The following DCC variants were observed in gnomAD, a reference collection of about 807,000 sequenced individuals.
DCC encodes the protein netrin receptor DCC.
In DCC, 58 loss-of-function variants were observed where a neutral mutation model predicts 172.5. The ratio of observed to expected loss-of-function variants is 0.34; its 90% CI spans 0.27 to 0.42. The LOEUF (loss-of-function observed/expected upper bound fraction) is 0.42. Ranked by LOEUF, DCC falls within the 10% of genes least tolerant of loss-of-function variation. The pLI, the probability that DCC is intolerant of heterozygous loss-of-function variation, is 1.00. For synonymous variants in DCC, 709 were observed against 644.5 expected, an observed-to-expected ratio of 1.10 and a Z score of -1.52; for missense variants, 1,740 against 1,791.0, an observed-to-expected ratio of 0.97 and a Z score of 0.51.
chr18:53,287,753 A>T (rs2056952807), intron 12 of DCC, among the ~76,000 whole-genome samples: 1 of 152,102 alleles, frequency 6.6e-6, no homozygotes, highest in African/African-American at 2.4e-5. Flanking sequence ...TCTGCTTAAA[A>T]CTTTTCTAAC....
chr18:52,777,403 T>C (rs1599099563), intron 2 of DCC, among the ~76,000 whole-genome samples: 1 of 152,294 alleles, frequency 6.6e-6, no homozygotes, highest in East Asian at 1.9e-4. Flanking sequence ...TCAGTCTCCA[T>C]AATCACACTA....
intron 2 of DCC, among the ~76,000 whole-genome samples, chr18:52,902,578 T>C (rs1049092152): frequency 2.6e-5 from 4 of 152,200 alleles, no homozygotes; most frequent in Non-Finnish European, 4.4e-5. Context: ...TACGAAAATA[T>C]AGTATTTCAT....
At chr18:52,676,037 G>T (rs1332376427) in intron 1 of DCC, among the ~76,000 whole-genome samples, 1 of 152,152 alleles carries the variant, frequency 6.6e-6, no homozygotes, top group African/African-American at 2.4e-5. Context: ...ACTCTAGAAA[G>T]TCCTGTGATA....
At chr18:53,276,900 G>T (rs1008849840) in intron 12 of DCC, among the ~76,000 whole-genome samples, 2 of 152,032 alleles carry the variant, frequency 1.3e-5, no homozygotes, top group African/African-American at 4.8e-5. Flanking sequence ...GAGTCACAGG[G>T]TACCCATTGA....
intron 22 of DCC, among the ~76,000 whole-genome samples, chr18:53,437,939 C>G (rs562228370): frequency 4.6e-5 from 7 of 152,148 alleles, no homozygotes; most frequent in African/African-American, 1.7e-4. Flanking sequence ...GAAATATACA[C>G]CCCAGGAAGA....
rs531092322 is a variant in DCC, at chr18:52,720,545, G to A, written c.92-31509G>A. Reference sequence around the variant, plus strand: ...CACATGATACCTCTGAACCCACGGAGTACCCAGTATACACCACCAGGAAGC... The same window carrying A: ...CACATGATACCTCTGAACCCACGGAATACCCAGTATACACCACCAGGAAGC... On this transcript the variant is annotated intron_variant, in intron 1 of 28. Transcript: ENST00000442544. 8.5e-5 allele frequency among the ~76,000 whole-genome samples: 13 copies of A among 152,266 alleles called. No homozygotes were observed. In the South Asian group the frequency reaches 1.2e-3, roughly 15 times the overall value.
At chr18:53,361,082 A>G (rs1223520606) in intron 15 of DCC, among the ~76,000 whole-genome samples, 1 of 152,146 alleles carries the variant, frequency 6.6e-6, no homozygotes, top group Non-Finnish European at 1.5e-5. Flanking sequence ...TCCATATAAG[A>G]GGCACATGGT....
At chr18:52,877,816 A>AC (rs1444093361) in intron 2 of DCC, among the ~76,000 whole-genome samples, 2 of 151,752 alleles carry the variant, frequency 1.3e-5, no homozygotes, top group African/African-American at 4.8e-5. Context: ...GAGATTAAAA[A>AC]AAATTACAAG....
chr18:53,301,684 G>T (rs772005407), intron 12 of DCC, among the ~76,000 whole-genome samples: 1 of 151,630 alleles, frequency 6.6e-6, no homozygotes, highest in Non-Finnish European at 1.5e-5. Flanking sequence ...TAGTTTACCA[G>T]TTTTAATTCA....
Position 52,653,389 on chromosome 18 carries a change from G to T in DCC, c.92-98665G>T, listed in dbSNP as rs542772981. On this transcript the variant is annotated intron_variant, in intron 1 of 28. Transcript: ENST00000442544. ...GAGATTTATGTTTTAAAAAGTCTAA[G>T]AGGCTTCTTTCCATAGCATAAACTA... Among the ~76,000 whole-genome samples the T allele has an allele frequency of 1.7e-4, 26 of 152,262 alleles. No homozygotes were observed. In the South Asian group the frequency reaches 5.2e-3, roughly 30 times the overall value.
intron 2 of DCC, among the ~76,000 whole-genome samples, chr18:52,819,306 C>T (rs1568124322): frequency 6.6e-6 from 1 of 152,016 alleles, no homozygotes; most frequent in African/African-American, 2.4e-5. Context: ...TCCGAGCTTG[C>T]AGGGAAAAAA....
At chr18:52,783,656 A>G (rs1427030747) in intron 2 of DCC, among the ~76,000 whole-genome samples, 7 of 151,956 alleles carry the variant, frequency 4.6e-5, no homozygotes, top group African/African-American at 1.4e-4. Context: ...ATACAGGCTT[A>G]TACTTCACTG....
chr18:52,826,382 T>C (rs1211726693), intron 2 of DCC, among the ~76,000 whole-genome samples: 1 of 152,230 alleles, frequency 6.6e-6, no homozygotes, highest in Non-Finnish European at 1.5e-5. Context: ...AGCTTTACTC[T>C]GATGCTAGAT....
At chr18:52,383,647 T>C (rs557070704) in intron 1 of DCC, among the ~76,000 whole-genome samples, 4 of 152,200 alleles carry the variant, frequency 2.6e-5, no homozygotes, top group African/African-American at 9.6e-5. Flanking sequence ...TTTTTATGAT[T>C]TCATTCATGA....
In DCC at chr18:52,826,926, A is replaced by C. The variant is rs1374166816; in HGVS notation, c.412+74552A>C. Among the ~76,000 whole-genome samples the C allele has an allele frequency of 2.0e-5, 3 of 152,210 alleles. No individual in the cohort carries two copies. In the East Asian group the frequency reaches 5.8e-4, roughly 29 times the overall value. On this transcript the variant is annotated intron_variant, in intron 2 of 28. Coordinates refer to ENST00000442544, the MANE Select transcript of DCC (RefSeq NM_005215.4). ...ACTTTTTTCTTGCCAAGATTACCTA[A>C]ACATTACAGTATAGTAACTATTTAC...
chr18:52,737,355 C>A (rs1198079103), intron 1 of DCC, among the ~76,000 whole-genome samples: 1 of 152,032 alleles, frequency 6.6e-6, no homozygotes, highest in East Asian at 1.9e-4. Context: ...CTTTTTAAAG[C>A]CAATGAAAAA....
intron 5 of DCC, among the ~76,000 whole-genome samples, chr18:52,980,164 A>G (rs1338634828): frequency 6.6e-6 from 1 of 152,174 alleles, no homozygotes; most frequent in Admixed American, 6.6e-5. Flanking sequence ...TTATTAGGGA[A>G]TTCAATGAAG....
intron 15 of DCC, among the ~76,000 whole-genome samples, chr18:53,353,013 T>C (rs934829863): frequency 1.3e-5 from 2 of 151,980 alleles, no homozygotes; most frequent in Non-Finnish European, 2.9e-5. Context: ...TGGTTGTTAT[T>C]ACATTTAAAG....
At chr18:53,448,673 A>G (rs538464935) in intron 22 of DCC, among the ~76,000 whole-genome samples, 1 of 149,532 alleles carries the variant, frequency 6.7e-6, no homozygotes, top group South Asian at 2.1e-4. Context: ...AGCCTGGTCA[A>G]CATGGCAAAA....
Sources: allele counts gnomAD v4.1 joint callset (sites outside exome capture counted in the v4.1 genomes callset), GRCh38; gene constraint gnomAD v4.1.1; transcripts MANE v1.5; gene names NCBI Gene and HGNC (gene_info 2026-07-23, HGNC 2026-07-21).